The following ROBO2 variants were observed in gnomAD, a reference collection of about 807,000 sequenced individuals.
The protein encoded by ROBO2 is roundabout guidance receptor 2.
In ROBO2, 53 loss-of-function variants were observed where a neutral mutation model predicts 160.8. The ratio of observed to expected loss-of-function variants is 0.33; its 90% CI spans 0.26 to 0.41. ROBO2 has a LOEUF of 0.41. ROBO2 is among the 10% of genes least tolerant of loss of function. ROBO2 has a pLI of 1.00. For missense variants in ROBO2, 1,577 were observed against 1,722.4 expected (o/e 0.92, Z 1.49); for synonymous variants, 664 against 611.7 (o/e 1.09, Z -1.26).
At position 77,359,129 on chromosome 3, in the gene ROBO2, A is replaced by G. The variant is rs573625394; in HGVS notation, c.389-118285A>G. ...GCATGAGTATCTAAATAGGAATCAA[A>G]TGTTCTTTGACAAAGATGCAAAAGA... On this transcript the variant is annotated intron_variant, in intron 2 of 25. Coordinates refer to ENST00000461745, the Ensembl canonical transcript of ROBO2. Among the ~76,000 whole-genome samples, 36 of 152,346 alleles carry G rather than the reference A, an allele frequency of 2.4e-4. 1 individual carries two copies. The South Asian group carries it at 7.0e-3, about 30-fold the overall frequency.
intron 2 of ROBO2, among the ~76,000 whole-genome samples, chr3:76,424,099 A>C (rs1394201026): frequency 6.6e-6 from 1 of 152,188 alleles, no homozygotes; most frequent in Non-Finnish European, 1.5e-5. Context: ...CACTTCTTTT[A>C]CTTATGAATA....
rs183046021 is a variant in ROBO2, at chr3:76,514,146, T to G, written c.109+576544T>G. On this transcript the variant is annotated intron_variant, in intron 2 of 26. Transcript: ENST00000487694. ...AAAAAGTGTGTCATTTGTCCCATTA[T>G]TCCTCTACATTCTACATTTTGATAA... Among the ~76,000 whole-genome samples the G allele has an allele frequency of 1.3e-3, 204 of 152,338 alleles. 1 individual carries two copies. Among genetic ancestry groups the G allele is most frequent in the Middle Eastern group, 6.8e-3 (2 of 294 alleles).
At chr3:77,136,172 A>C (rs541178064) in intron 2 of ROBO2, among the ~76,000 whole-genome samples, 1 of 152,332 alleles carries the variant, frequency 6.6e-6, no homozygotes, top group African/African-American at 2.4e-5. Context: ...ATGACGAATT[A>C]TAGAAAGATC....
rs2080727546 is a variant in ROBO2 at position 76,505,158 on chromosome 3, C to T, written c.109+567556C>T. Among the ~76,000 whole-genome samples the T allele has an allele frequency of 2.0e-5, 3 of 151,960 alleles. No homozygotes were observed. In the South Asian group the frequency reaches 6.2e-4, roughly 32 times the overall value. On this transcript the variant is annotated intron_variant, in intron 2 of 26. Coordinates refer to the ROBO2 transcript ENST00000487694. The stretch of plus-strand genomic sequence containing the variant: ...TGAAAAATGTAATTAAGGATCCTTT[C>T]CTGGATTATGACTAACTACCTAAAC...
chr3:76,708,418 G>A (rs1440419826), intron 2 of ROBO2, among the ~76,000 whole-genome samples: 1 of 152,034 alleles, frequency 6.6e-6, no homozygotes, highest in African/African-American at 2.4e-5. Context: ...GTTATTTCTG[G>A]GAAATGGAAT....
intron 2 of ROBO2, among the ~76,000 whole-genome samples, chr3:77,321,345 C>T (rs868540160): frequency 6.6e-6 from 1 of 151,954 alleles, no homozygotes; most frequent in Non-Finnish European, 1.5e-5. Flanking sequence ...AGGGAGACCC[C>T]ATCTCCACAA....
chr3:77,568,399 G>C, exon 13 of ROBO2: 2 of 1,612,930 alleles, frequency 1.2e-6, no homozygotes, highest in Non-Finnish European at 1.7e-6. Flanking sequence ...TAATCCAGTT[G>C]TGCTGACTCC....
rs17013689 is a variant in ROBO2 at position 76,036,938 on chromosome 3, G to A, written c.109+99336G>A. Among the ~76,000 whole-genome samples, 1,051 of 151,980 alleles carry A rather than the reference G, an allele frequency of 6.9e-3. 73 individuals are homozygous for A. In the East Asian group the frequency reaches 0.17, roughly 25 times the overall value. ...ATATAATTGGACATTTTACCATAGC[G>A]AACTTACCCATGCTTGTTTTTCAGT... On this transcript the variant is annotated intron_variant, in intron 2 of 26. Transcript: ENST00000487694.
At chr3:75,967,730 C>G (rs1395352587) in intron 2 of ROBO2, among the ~76,000 whole-genome samples, 2 of 151,140 alleles carry the variant, frequency 1.3e-5, no homozygotes, top group East Asian at 3.9e-4. Context: ...CATTAAAAAC[C>G]AACCTTATTT....
intron 2 of ROBO2, among the ~76,000 whole-genome samples, chr3:77,229,420 T>G (rs2086884787): frequency 6.6e-6 from 1 of 151,932 alleles, no homozygotes; most frequent in South Asian, 2.1e-4. Flanking sequence ...TGGTGGCTCA[T>G]GCCTGTAATC....
At chr3:76,984,821 C>G (rs1200435618) in intron 2 of ROBO2, among the ~76,000 whole-genome samples, 1 of 151,716 alleles carries the variant, frequency 6.6e-6, no homozygotes, top group Non-Finnish European at 1.5e-5. Flanking sequence ...ATATTTTATA[C>G]CACTATAATG....
At position 76,636,973 on chromosome 3, in the gene ROBO2, G is replaced by A. The variant is rs145391248; in HGVS notation, c.110-461041G>A. Among the ~76,000 whole-genome samples the A allele has an allele frequency of 6.6e-5, 10 of 151,970 alleles. 1 individual carries two copies. The highest frequency in any genetic ancestry group is 2.0e-4 in the Admixed American group (3 of 15,250). On this transcript the variant is annotated intron_variant, in intron 2 of 26. Transcript: ENST00000487694. ...GGCCAACAATGGGGAAAACTGTGGC[G>A]GTGAATTCAAGGAGAGTGAGCCCTG...
chr3:77,639,969 G>A (rs2095323197), intron 24 of ROBO2, among the ~76,000 whole-genome samples: 1 of 152,106 alleles, frequency 6.6e-6, no homozygotes, highest in Admixed American at 6.5e-5. Context: ...TTTGGAGGTA[G>A]AGCTAACGGG....
At chr3:76,993,661 A>C (rs576753147) in intron 2 of ROBO2, among the ~76,000 whole-genome samples, 1 of 152,126 alleles carries the variant, frequency 6.6e-6, no homozygotes, top group Non-Finnish European at 1.5e-5. Context: ...CAGGAAGAAG[A>C]AAAGGAAAGT....
chr3:76,679,587 C>CT (rs1323539677), intron 2 of ROBO2, among the ~76,000 whole-genome samples: 4 of 152,112 alleles, frequency 2.6e-5, no homozygotes, highest in Non-Finnish European at 4.4e-5. Context: ...AAGAAAACAG[C>CT]TTTTTTCCTT....
chr3:76,177,093 A>G (rs1413489772), intron 2 of ROBO2, among the ~76,000 whole-genome samples: 1 of 152,168 alleles, frequency 6.6e-6, no homozygotes, highest in Non-Finnish European at 1.5e-5. Flanking sequence ...AAATTTCTGT[A>G]TTAATACTAG....
At chr3:77,115,478 T>C (rs1485360545) in intron 2 of ROBO2, among the ~76,000 whole-genome samples, 1 of 152,212 alleles carries the variant, frequency 6.6e-6, no homozygotes, top group Non-Finnish European at 1.5e-5. Context: ...AATATTTTTC[T>C]GCCACAAAAC....
intron 2 of ROBO2, among the ~76,000 whole-genome samples, chr3:76,909,428 G>C (rs983282693): frequency 6.6e-6 from 1 of 152,112 alleles, no homozygotes; most frequent in African/African-American, 2.4e-5. Flanking sequence ...GGGTTCTGGG[G>C]AGGGATAAAA....
chr3:77,255,918 G>C (rs541850443), intron 2 of ROBO2, among the ~76,000 whole-genome samples: 1 of 152,308 alleles, frequency 6.6e-6, no homozygotes, highest in South Asian at 2.1e-4. Context: ...TCATAAACGT[G>C]ACCAATGGTG....
Sources: allele counts gnomAD v4.1 joint callset (sites outside exome capture counted in the v4.1 genomes callset), GRCh38; gene constraint gnomAD v4.1.1; transcripts MANE v1.5; gene names NCBI Gene and HGNC (gene_info 2026-07-23, HGNC 2026-07-21).